GLP1R: variants seen among roughly 807,000 people sequenced by gnomAD.
GLP1R encodes glucagon-like peptide 1 receptor.
GLP1R carries 32 observed loss-of-function variants against 68.4 expected under a neutral mutation model. That is an observed-to-expected ratio of 0.47 (90% CI 0.35 to 0.63). The LOEUF is 0.63. Ranked by LOEUF, GLP1R falls within the 20% of genes least tolerant of loss-of-function variation. The probability of loss-of-function intolerance (pLI) is 0.00; values close to 1 mark genes in which losing one functional copy is unlikely to be tolerated. For missense variants in GLP1R, 502 were observed against 594.9 expected (o/e 0.84, Z 1.62); for synonymous variants, 263 against 244.4 (o/e 1.08, Z -0.71).
rs1025660574 is a variant in GLP1R, at chr6:39,086,765, ATTT to A, written c.*693_*695del. 6.6e-6 allele frequency: 1 copy of A among 152,600 alleles called. No individual in the cohort carries two copies. Among genetic ancestry groups the A allele is most frequent in the Non-Finnish European group, 1.5e-5 (1 of 68,076 alleles). The allele number at this position is 152,600 out of a possible 1,614,324, so 9.5% of individuals were successfully genotyped here. ...GACGGTGCTCGCTTCTCCTCCAGGT[ATTT>A]GAGTTGTTTTGGTGCCTGCCTCTGC... On this transcript the variant is annotated 3_prime_UTR_variant, in exon 13 of 13. Coordinates refer to ENST00000373256, the MANE Select transcript of GLP1R (RefSeq NM_002062.5). The surrounding 1 kb of genome is among the most constrained non-coding windows in gnomAD (Gnocchi z 4.5).
intron 5 of GLP1R, among the ~76,000 whole-genome samples, chr6:39,066,963 C>A (rs908402253): frequency 6.6e-6 from 1 of 152,148 alleles, no homozygotes; most frequent in Non-Finnish European, 1.5e-5. Flanking sequence ...GCACACGGTG[C>A]TCAATAAATG....
Position 39,090,784 on chromosome 6 carries a change from GT to G in GLP1R, c.*4712del, listed in dbSNP as rs958842447. Among the ~76,000 whole-genome samples the G allele has an allele frequency of 6.6e-6, 1 of 152,168 alleles. No homozygotes were observed. The highest frequency in any genetic ancestry group is 6.5e-5 in the Admixed American group (1 of 15,282). ...CATATCTAAATGAGAATGTTTAGATGTGGTGAGAAAAGAGCTCTCACCACAA... is the reference window on the plus strand; with the variant it reads ...CATATCTAAATGAGAATGTTTAGATGGGTGAGAAAAGAGCTCTCACCACAA... On this transcript the variant is annotated 3_prime_UTR_variant, in exon 13 of 13. Coordinates refer to ENST00000373256, the MANE Select transcript of GLP1R (RefSeq NM_002062.5).
chr6:39,068,801 C>G (rs918536420), intron 5 of GLP1R, among the ~76,000 whole-genome samples: 4 of 152,186 alleles, frequency 2.6e-5, no homozygotes, highest in African/African-American at 7.2e-5. Flanking sequence ...GCTCCTCCCC[C>G]AGAACTGTTC....
intron 1 of GLP1R, among the ~76,000 whole-genome samples, chr6:39,054,618 C>T (rs1324768650): frequency 6.6e-6 from 1 of 152,170 alleles, no homozygotes; most frequent in Non-Finnish European, 1.5e-5. Context: ...GTCGTTAACC[C>T]CTCCCCCCGC....
intron 12 of GLP1R, among the ~76,000 whole-genome samples, chr6:39,082,174 G>T (rs964044288): frequency 2.6e-5 from 4 of 152,170 alleles, no homozygotes; most frequent in African/African-American, 9.7e-5. Context: ...TGCTGAACTG[G>T]CTACCTGTGG....
chr6:39,079,677 C>G lies in GLP1R; in HGVS notation c.1157C>G (p.Thr386Arg). ...ACCCTGCGCTTCATCAAGCTGTTTA[C>G]AGAGCTCTCCTTCACCTCCTTCCAG... ...RGTLRFIKLFTELSFTSFQGL... is the reference protein window; with the variant it reads ...RGTLRFIKLFRELSFTSFQGL... Residue 386 changes from threonine to arginine, a missense_variant, in exon 11 of 13, where the codon ACA (threonine) becomes AGA (arginine). Thr to Arg is a moderately conservative substitution (Grantham distance 71). Coordinates refer to ENST00000373256, the MANE Select transcript of GLP1R (RefSeq NM_002062.5). This position sits in a 1 kb window ranked among gnomAD's most constrained non-coding sequence, Gnocchi z 4.5. 6.2e-7 allele frequency: 1 copy of G among 1,612,822 alleles called. No individual in the cohort carries two copies. Among genetic ancestry groups the G allele is most frequent in the East Asian group, 2.2e-5 (1 of 44,824 alleles).
chr6:39,086,250 G>C lies in GLP1R; in HGVS notation c.*177G>C. The C allele has an allele frequency of 1.8e-6, 1 of 567,680 alleles. No individual in the cohort carries two copies. The highest frequency in any genetic ancestry group is 2.9e-5 in the East Asian group (1 of 34,658). 35.2% of individuals were successfully genotyped at this position (567,680 alleles called of 1,614,324 possible). On this transcript the variant is annotated 3_prime_UTR_variant, in exon 13 of 13. Transcript: ENST00000373256. This position sits in a 1 kb window ranked among gnomAD's most constrained non-coding sequence, Gnocchi z 4.5. Reference sequence around the variant, plus strand: ...CCAAACCCATCAGACAGGTAAATGGGCAGTGCCTCCTGGGACCATGGACAC... The same window carrying C: ...CCAAACCCATCAGACAGGTAAATGGCCAGTGCCTCCTGGGACCATGGACAC...
chr6:39,076,189 C>G (rs1234082039), intron 7 of GLP1R, among the ~76,000 whole-genome samples: 1 of 152,162 alleles, frequency 6.6e-6, no homozygotes, highest in East Asian at 1.9e-4. Flanking sequence ...AAGGAAGCTT[C>G]TGCATGTGTA....
intron 4 of GLP1R, 119 bp downstream of exon 4, chr6:39,065,948 C>T (rs1768495085): frequency 1.5e-6 from 1 of 678,020 alleles, no homozygotes; most frequent in East Asian, 2.7e-5. Context: ...CATCTCCTTG[C>T]CTCTGGGGGC....
chr6:39,086,681 C>T lies in GLP1R; in HGVS notation c.*608C>T, dbSNP rs775951680. ...TTTTTGAGGGGCTTTGTTTGGGCCACTGCCAGCAGCTGTTTCTGGAAATGG... is the reference window on the plus strand; with the variant it reads ...TTTTTGAGGGGCTTTGTTTGGGCCATTGCCAGCAGCTGTTTCTGGAAATGG... On this transcript the variant is annotated 3_prime_UTR_variant, in exon 13 of 13. Transcript: ENST00000373256. This position sits in a 1 kb window ranked among gnomAD's most constrained non-coding sequence, Gnocchi z 4.5. The T allele has an allele frequency of 6.5e-6, 1 of 152,722 alleles. No homozygotes were observed. The highest frequency in any genetic ancestry group is 1.5e-5 in the Non-Finnish European group (1 of 68,100). The allele number at this position is 152,722 out of a possible 1,614,324, so 9.5% of individuals were successfully genotyped here.
At position 39,079,838 on chromosome 6, in the gene GLP1R, T is replaced by C; in HGVS notation, c.1182+136T>C. On this transcript the variant is annotated intron_variant, in intron 11 of 12. Coordinates refer to ENST00000373256, the MANE Select transcript of GLP1R (RefSeq NM_002062.5). This position sits in a 1 kb window ranked among gnomAD's most constrained non-coding sequence, Gnocchi z 4.5. ...GTGATCCCTGCCCAAAGTCACCTAGTTGGAGCAGAGCCAGAACTAGTATCC... is the reference window on the plus strand; with the variant it reads ...GTGATCCCTGCCCAAAGTCACCTAGCTGGAGCAGAGCCAGAACTAGTATCC... 2 of 741,058 alleles carry C rather than the reference T, an allele frequency of 2.7e-6. No homozygotes were observed. Among genetic ancestry groups the C allele is most frequent in the South Asian group, 1.7e-5 (1 of 57,836 alleles). 45.9% of individuals were successfully genotyped at this position (741,058 alleles called of 1,614,324 possible).
chr6:39,075,794 C>T (rs1056747880), intron 7 of GLP1R, among the ~76,000 whole-genome samples: 4 of 152,176 alleles, frequency 2.6e-5, no homozygotes, highest in South Asian at 2.1e-4. Flanking sequence ...TTGGAGAGGT[C>T]CCCCAAAGGG....
chr6:39,073,582 C>T lies in GLP1R; in HGVS notation c.664-28C>T, dbSNP rs369762741. 4 of 1,607,004 alleles carry T rather than the reference C, an allele frequency of 2.5e-6. No individual in the cohort carries two copies. In the Admixed American group the frequency reaches 5.0e-5, roughly 20 times the overall value. The stretch of plus-strand genomic sequence containing the variant: ...GAGAGGCAGAGGGCAGAGCTGTTGT[C>T]CCCATGACACCCTTCCTCTACCCCC... On this transcript the variant is annotated intron_variant, in intron 6 of 12. Transcript: ENST00000373256.
chr6:39,065,698 C>T lies in GLP1R; in HGVS notation c.284-13C>T. On this transcript the variant is annotated splice_polypyrimidine_tract_variant and intron_variant, in intron 3 of 12. Transcript: ENST00000373256. Reference sequence around the variant, plus strand: ...TCTGGGCTGAGGCTCAGGGCCAGGTCTCCCCACCCCAGTGCCGCAGGGCCA... The same window carrying T: ...TCTGGGCTGAGGCTCAGGGCCAGGTTTCCCCACCCCAGTGCCGCAGGGCCA... The T allele has an allele frequency of 6.5e-7, 1 of 1,534,086 alleles. No individual in the cohort carries two copies. The highest frequency in any genetic ancestry group is 1.4e-5 in the African/African-American group (1 of 73,042).
chr6:39,071,367 A>C (rs1354837886), intron 5 of GLP1R, among the ~76,000 whole-genome samples: 1 of 138,716 alleles, frequency 7.2e-6, no homozygotes, highest in African/African-American at 2.7e-5. Flanking sequence ...AAAAAAAAAA[A>C]GAAAGAAAGA....
In GLP1R at chr6:39,069,506, G is replaced by T. The variant is rs189714008; in HGVS notation, c.509+3203G>T. ...AAATTAGCTGGGTGCGGTGGCGGGC[G>T]CCTGTAGTCCCAGCTACTCGGGAGG... On this transcript the variant is annotated intron_variant, in intron 5 of 12. Transcript: ENST00000373256. Among the ~76,000 whole-genome samples the T allele has an allele frequency of 5.4e-3, 817 of 152,188 alleles. 6 individuals are homozygous for T. The highest frequency in any genetic ancestry group is 0.019 in the African/African-American group (773 of 41,510).
At chr6:39,074,420 G>A (rs1768760176) in intron 7 of GLP1R, 1 of 152,084 alleles carries the variant, frequency 6.6e-6, no homozygotes, top group Non-Finnish European at 1.5e-5. Context: ...TTGTAATGAG[G>A]GGCAGCATTG....
chr6:39,056,329 TAGGGGGTG>T, intron 1 of GLP1R, 60 bp from the exon 2 acceptor site: 1 of 786,506 alleles, frequency 1.3e-6, no homozygotes, highest in Non-Finnish European at 2.2e-6. Context: ...CCAAGTGTGT[TAGGGGGTG>T]AGGGGGCAGG....
chr6:39,066,183 C>A lies in GLP1R; in HGVS notation c.403-14C>A. The stretch of plus-strand genomic sequence containing the variant: ...GGGCTGCCCATGTACACGTATGTCC[C>A]CCGTGTGCCACAGAGCTCCCCGGAG... On this transcript the variant is annotated splice_polypyrimidine_tract_variant and intron_variant, in intron 4 of 12. Coordinates refer to ENST00000373256, the MANE Select transcript of GLP1R (RefSeq NM_002062.5). The A allele has an allele frequency of 7.0e-7, 1 of 1,425,000 alleles. No individual in the cohort carries two copies. Among genetic ancestry groups the A allele is most frequent in the South Asian group, 1.2e-5 (1 of 86,238 alleles). The allele number at this position is 1,425,000 out of a possible 1,614,324, so 88.3% of individuals were successfully genotyped here.
Sources: gnomAD v4.1 joint callset for allele counts (sites outside exome capture counted in the v4.1 genomes callset) on GRCh38, gnomAD v4.1.1 for gene constraint, Gnocchi (gnomAD v3.1) non-coding constraint, MANE v1.5 for transcripts, NCBI Gene and HGNC (gene_info 2026-07-23, HGNC 2026-07-21) for gene names.